Variants in LRRIQ3 observed in about 807,000 individuals in gnomAD.
LRRIQ3 encodes the protein leucine rich repeats and IQ motif containing 3, also known as leucine-rich repeat and IQ domain-containing protein 3.
In LRRIQ3, 75 loss-of-function variants were observed where a neutral mutation model predicts 59.3. The observed-to-expected ratio is 1.26, with a 90% CI of 1.05 to 1.53. The LOEUF is 1.53. Among genes scored for constraint, LRRIQ3 ranks in the 40% most tolerant of loss-of-function variants. The pLI, the probability that LRRIQ3 is intolerant of heterozygous loss-of-function variation, is 0.00. For synonymous variants in LRRIQ3, 250 were observed against 231.3 expected (o/e 1.08, Z -0.73); for missense variants, 831 against 710.0 (o/e 1.17, Z -1.94).
intron 7 of LRRIQ3, among the ~76,000 whole-genome samples, chr1:74,030,803 C>T (rs1653683956): frequency 1.3e-5 from 2 of 152,144 alleles, no homozygotes; most frequent in African/African-American, 4.8e-5. Flanking sequence ...GCAAAAGAAA[C>T]TACCATCAGA....
At chr1:74,073,618 A>G (rs1646163312) in intron 6 of LRRIQ3, among the ~76,000 whole-genome samples, 1 of 59,358 alleles carries the variant, frequency 1.7e-5, no homozygotes, top group African/African-American at 3.1e-5. Context: ...TTTAAAAAAA[A>G]AAAAAAACAG....
intron 4 of LRRIQ3, among the ~76,000 whole-genome samples, chr1:74,116,389 G>T (rs918093142): frequency 6.6e-6 from 1 of 151,816 alleles, no homozygotes; most frequent in Non-Finnish European, 1.5e-5. Flanking sequence ...TCTATTAACA[G>T]TTCTCTGAAA....
intron 3 of LRRIQ3, among the ~76,000 whole-genome samples, chr1:74,176,176 CTCTA>C (rs764118752): frequency 1.3e-5 from 2 of 151,988 alleles, no homozygotes; most frequent in African/African-American, 4.8e-5. Context: ...CTTAGTTTTC[CTCTA>C]TCTGAGTATA....
intron 4 of LRRIQ3, among the ~76,000 whole-genome samples, chr1:74,123,177 T>C (rs965620305): frequency 1.3e-5 from 2 of 152,028 alleles, no homozygotes; most frequent in Admixed American, 1.3e-4. Flanking sequence ...TGTAGGTACA[T>C]AGGAGGTGTA....
At chr1:74,050,081 A>G (rs572716225) in intron 6 of LRRIQ3, among the ~76,000 whole-genome samples, 24 of 151,336 alleles carry the variant, frequency 1.6e-4, no homozygotes, top group Non-Finnish European at 3.1e-4. Flanking sequence ...ACACCACCAT[A>G]CCTGGCTAAT....
chr1:74,047,243 C>T (rs1654232132), intron 6 of LRRIQ3, among the ~76,000 whole-genome samples: 1 of 152,048 alleles, frequency 6.6e-6, no homozygotes, highest in South Asian at 2.1e-4. Context: ...ACATATACAC[C>T]ACAGAATACT....
At chr1:74,182,476 C>A in intron 3 of LRRIQ3, 62 bp downstream of exon 3, 1 of 1,057,084 alleles carries the variant, frequency 9.5e-7, no homozygotes, top group Non-Finnish European at 1.3e-6. Flanking sequence ...ATATAGAACT[C>A]AGAAGCTAAA....
At chr1:74,183,841 A>C (rs943390116) in intron 1 of LRRIQ3, among the ~76,000 whole-genome samples, 157 bp from the exon 2 acceptor site, 3 of 152,030 alleles carry the variant, frequency 2.0e-5, no homozygotes, top group Admixed American at 6.5e-5. Flanking sequence ...ATCCCAAAAT[A>C]ACTTAAATAT....
rs1033424124 is a variant in LRRIQ3, at chr1:74,118,101, TAGC to T, written c.708-8551_708-8549del. On this transcript the variant is annotated intron_variant, in intron 4 of 7. Transcript: ENST00000354431. ...AAATGGAACCAACCCTATTAGAAAA[TAGC>T]AGGCATAACATACCCTTTTTTGTAA... 3.4e-4 allele frequency among the ~76,000 whole-genome samples: 51 copies of T among 152,006 alleles called. 1 individual carries two copies. The highest frequency in any genetic ancestry group is 3.4e-3 in the Middle Eastern group (1 of 294).
At chr1:74,121,580 C>T (rs1044166633) in intron 4 of LRRIQ3, among the ~76,000 whole-genome samples, 2 of 151,868 alleles carry the variant, frequency 1.3e-5, no homozygotes, top group Non-Finnish European at 2.9e-5. Context: ...CTTCTCATTA[C>T]TTTTCTGTTT....
intron 4 of LRRIQ3, among the ~76,000 whole-genome samples, chr1:74,143,816 G>A (rs932607943): frequency 5.9e-5 from 9 of 151,468 alleles, no homozygotes; most frequent in Non-Finnish European, 1.2e-4. Context: ...CATATTAGAT[G>A]TATTACTAAA....
At position 74,182,597 on chromosome 1, in the gene LRRIQ3, C is replaced by A. The variant is rs374857928; in HGVS notation, c.514G>T (p.Glu172Ter). 1 of 1,605,188 alleles carries A rather than the reference C, an allele frequency of 6.2e-7. No homozygotes were observed. ...EEIIQNWHLP[E>*]RFKACNHRLF... ...CGATGGTTACATGCTTTGAATCTTT[C>A]AGGAAGATGCCAGTTCTGAATTATT... Residue 172 changes from glutamate (E) to a stop codon, truncating the protein, a stop_gained, in exon 3 of 8, where the codon GAA (glutamate) becomes TAA (stop). Coordinates refer to ENST00000354431, the MANE Select transcript of LRRIQ3 (RefSeq NM_001105659.2). LOFTEE classifies it high-confidence loss of function.
Position 74,074,783 on chromosome 1 carries a change from T to C in LRRIQ3, c.875A>G (p.Tyr292Cys), listed in dbSNP as rs1646184700. ...GGAATTTTTTAAATCAACAGGATAA[T>C]ATATATTCTGTGAAAATAAAATAAA... ...GKLAYWKHNI[Y>C]YPVDLKNSSE... The change falls in exon 6 of 8, where the codon TAT (tyrosine) becomes TGT (cysteine). Residue 292 changes from tyrosine to cysteine, a missense_variant. Coordinates refer to ENST00000354431, the MANE Select transcript of LRRIQ3 (RefSeq NM_001105659.2). 1 of 1,328,036 alleles carries C rather than the reference T, an allele frequency of 7.5e-7. No individual in the cohort carries two copies. The highest frequency in any genetic ancestry group is 1.7e-5 in the South Asian group (1 of 58,446). The allele number at this position is 1,328,036 out of a possible 1,614,324, so 82.3% of individuals were successfully genotyped here. A position where few individuals can be genotyped will look rare whatever the true frequency, so the allele number is the denominator to read the frequency against.
At chr1:74,042,283 A>G (rs1654071846) in intron 6 of LRRIQ3, among the ~76,000 whole-genome samples, 1 of 152,152 alleles carries the variant, frequency 6.6e-6, no homozygotes, top group African/African-American at 2.4e-5. Flanking sequence ...ACAAAGTTTA[A>G]TTAAGCAAAG....
At chr1:74,093,089 T>C (rs147290475) in intron 5 of LRRIQ3, among the ~76,000 whole-genome samples, 7 of 151,420 alleles carry the variant, frequency 4.6e-5, no homozygotes, top group African/African-American at 1.7e-4. Context: ...ATCAAATAAA[T>C]CAGAAGCATA....
chr1:74,121,613 A>C (rs1409427327), intron 4 of LRRIQ3, among the ~76,000 whole-genome samples: 3 of 152,142 alleles, frequency 2.0e-5, no homozygotes, highest in Admixed American at 1.3e-4. Context: ...TTTAAGTTTT[A>C]GGGTGCATGT....
At position 74,130,657 on chromosome 1, in the gene LRRIQ3, T is replaced by A. The variant is rs1647001158; in HGVS notation, c.708-21104A>T. ...CAATTTGGTGCTTCTGCAAGGAGGA[T>A]GATCAGTAGAGGTTTCTATTCTTCT... On this transcript the variant is annotated intron_variant, in intron 4 of 7. Coordinates refer to ENST00000354431, the MANE Select transcript of LRRIQ3 (RefSeq NM_001105659.2). 3.9e-5 allele frequency among the ~76,000 whole-genome samples: 6 copies of A among 152,152 alleles called. No individual in the cohort carries two copies. The South Asian group carries it at 1.2e-3, about 32-fold the overall frequency.
At chr1:74,123,425 C>T (rs539139849) in intron 4 of LRRIQ3, among the ~76,000 whole-genome samples, 2 of 151,784 alleles carry the variant, frequency 1.3e-5, no homozygotes, top group African/African-American at 4.8e-5. Flanking sequence ...TTTTTATGCC[C>T]ATTAACTGTC....
At chr1:74,150,248 G>T (rs1443008272) in intron 4 of LRRIQ3, among the ~76,000 whole-genome samples, 1 of 152,140 alleles carries the variant, frequency 6.6e-6, no homozygotes, top group South Asian at 2.1e-4. Context: ...CCTTGATTTT[G>T]TGCAGTATCA....
Sources: gnomAD v4.1 joint callset for allele counts (sites outside exome capture counted in the v4.1 genomes callset) on GRCh38, gnomAD v4.1.1 for gene constraint, MANE v1.5 for transcripts, NCBI Gene and HGNC (gene_info 2026-07-23, HGNC 2026-07-21) for gene names.